Variants in KSR2 observed in about 807,000 individuals in gnomAD.
KSR2 encodes the protein kinase suppressor of ras 2.
KSR2 carries 25 observed loss-of-function variants against 107.8 expected under a neutral mutation model. The observed-to-expected ratio is 0.23, with a 90% CI of 0.17 to 0.32. The LOEUF (loss-of-function observed/expected upper bound fraction) is 0.32. Ranked by LOEUF, KSR2 falls within the 10% of genes least tolerant of loss-of-function variation. The probability of loss-of-function intolerance (pLI) is 1.00; values close to 1 mark genes in which losing one functional copy is unlikely to be tolerated. For synonymous variants in KSR2, 480 were observed against 507.0 expected (o/e 0.95, Z 0.71); for missense variants, 887 against 1,268.9 (o/e 0.70, Z 4.57).
At chr12:117,785,414 CAAAAAAAAAAAAAAA>C (rs374881532) in intron 3 of KSR2, among the ~76,000 whole-genome samples, 3 of 37,408 alleles carry the variant, frequency 8.0e-5, no homozygotes, top group Non-Finnish European at 2.0e-4. Context: ...GACTCCATCT[CAAAAAAAAAAAAAAA>C]AAAAAAAAAA....
At chr12:117,778,371 G>A (rs143010755) in intron 3 of KSR2, among the ~76,000 whole-genome samples, 2 of 152,288 alleles carry the variant, frequency 1.3e-5, no homozygotes, top group Non-Finnish European at 1.5e-5. Flanking sequence ...GATTACAGGA[G>A]TGAGCTACTG....
At chr12:117,586,247 C>A (rs1467915456) in intron 5 of KSR2, among the ~76,000 whole-genome samples, 1 of 150,410 alleles carries the variant, frequency 6.6e-6, no homozygotes, top group East Asian at 1.9e-4. Context: ...AAATGGGTGA[C>A]GATAAAGGAA....
chr12:117,642,684 G>A (rs1883432660), intron 5 of KSR2, among the ~76,000 whole-genome samples: 2 of 152,212 alleles, frequency 1.3e-5, no homozygotes, highest in South Asian at 2.1e-4. Context: ...AGTTCGGGTG[G>A]ACCTTTTTCA....
At chr12:117,621,659 T>A (rs1186291736) in intron 5 of KSR2, among the ~76,000 whole-genome samples, 1 of 152,174 alleles carries the variant, frequency 6.6e-6, no homozygotes, top group African/African-American at 2.4e-5. Flanking sequence ...TTAATGGTAT[T>A]ATACCAATGC....
At chr12:117,927,834 G>A (rs552173522) in intron 1 of KSR2, among the ~76,000 whole-genome samples, 2 of 152,190 alleles carry the variant, frequency 1.3e-5, no homozygotes, top group South Asian at 4.2e-4. Context: ...TTATTATTCT[G>A]GTAAAATATA....
intron 4 of KSR2, among the ~76,000 whole-genome samples, chr12:117,718,341 T>C (rs545386199): frequency 3.3e-5 from 5 of 152,322 alleles, no homozygotes; most frequent in South Asian, 2.1e-4. Context: ...TTGTTCACTG[T>C]CCATGGAAGG....
At chr12:117,663,886 A>AAGAGCACCTAAGCAAACCACC (rs1419513932) in intron 5 of KSR2, among the ~76,000 whole-genome samples, 1 of 152,178 alleles carries the variant, frequency 6.6e-6, no homozygotes, top group Non-Finnish European at 1.5e-5. Context: ...TCCACTGGTG[A>AAGAGCACCTAAGCAAACCACC]AGAGCACCTA....
chr12:117,623,169 G>A (rs1240310823), intron 5 of KSR2, among the ~76,000 whole-genome samples: 1 of 152,174 alleles, frequency 6.6e-6, no homozygotes, highest in Non-Finnish European at 1.5e-5. Context: ...ACTCAGAGGT[G>A]AATACCAGTT....
At chr12:117,797,854 T>G (rs1416717673) in intron 3 of KSR2, among the ~76,000 whole-genome samples, 1 of 152,038 alleles carries the variant, frequency 6.6e-6, no homozygotes, top group East Asian at 1.9e-4. Context: ...TCTCACTATG[T>G]TTCATAGTCT....
Position 117,866,039 on chromosome 12 carries a change from T to TTTTTTTTA in KSR2, c.181-5609_181-5608insTAAAAAAA, listed in dbSNP as rs1555252035. On this transcript the variant is annotated intron_variant, in intron 1 of 19. Coordinates refer to ENST00000339824, the MANE Select transcript of KSR2 (RefSeq NM_173598.6). ...TCTGTAACACTTGCTAATCTCTCTC[T>TTTTTTTTA]TTTTTTTTTTTTTTTGAAACAAATT... Among the ~76,000 whole-genome samples the TTTTTTTTA allele has an allele frequency of 1.1e-4, 9 of 78,702 alleles. 1 individual carries two copies. The highest frequency in any genetic ancestry group is 9.9e-4 in the African/African-American group (9 of 9,102). The allele number at this position is 78,702 out of a possible 152,430, so 51.6% of individuals were successfully genotyped here.
intron 19 of KSR2, chr12:117,467,915 C>CCG: frequency 4.9e-6 from 1 of 204,924 alleles, no homozygotes; most frequent in Non-Finnish European, 8.4e-6. Flanking sequence ...GACCACAGTC[C>CCG]TGTGTTTTTT....
At chr12:117,856,029 A>ACTCT (rs1434642716) in intron 2 of KSR2, among the ~76,000 whole-genome samples, 1 of 151,628 alleles carries the variant, frequency 6.6e-6, no homozygotes, top group Admixed American at 6.6e-5. Context: ...GCTGGGTCCC[A>ACTCT]CTCTCTCTCT....
chr12:117,480,404 C>T (rs1021823338), intron 16 of KSR2, among the ~76,000 whole-genome samples: 8 of 152,088 alleles, frequency 5.3e-5, no homozygotes, highest in African/African-American at 1.2e-4. Context: ...ATGGGCCCAC[C>T]GATGACAAAC....
chr12:117,957,526 G>T (rs1896549295), intron 1 of KSR2, among the ~76,000 whole-genome samples: 1 of 152,068 alleles, frequency 6.6e-6, no homozygotes, highest in South Asian at 2.1e-4. Context: ...GCACACGGTG[G>T]GCAAGAAGGA....
chr12:117,900,103 G>A (rs74399110), intron 1 of KSR2, among the ~76,000 whole-genome samples: 2,355 of 152,318 alleles, frequency 0.015, 28 homozygotes, highest in Middle Eastern at 0.034. Context: ...ATGCCTGGAT[G>A]TCTGATCCAC....
chr12:117,909,792 C>T (rs1894961414), intron 1 of KSR2, among the ~76,000 whole-genome samples: 2 of 151,732 alleles, frequency 1.3e-5, no homozygotes, highest in Non-Finnish European at 2.9e-5. Flanking sequence ...CCTGTAGTCC[C>T]AGCTACTCAG....
intron 3 of KSR2, among the ~76,000 whole-genome samples, chr12:117,787,976 T>C (rs1295886245): frequency 1.3e-5 from 2 of 152,206 alleles, no homozygotes; most frequent in Non-Finnish European, 2.9e-5. Flanking sequence ...AGAAGCAATT[T>C]CTAAATACTT....
intron 4 of KSR2, among the ~76,000 whole-genome samples, chr12:117,702,215 G>A (rs1434048150): frequency 1.3e-5 from 2 of 152,104 alleles, no homozygotes; most frequent in Admixed American, 6.5e-5. Flanking sequence ...ATGTCACTGG[G>A]CCAACATGAT....
At chr12:117,819,618 TCA>T (rs1436135966) in intron 3 of KSR2, among the ~76,000 whole-genome samples, 1 of 152,174 alleles carries the variant, frequency 6.6e-6, no homozygotes. Flanking sequence ...AAAAAAAATC[TCA>T]CGTTCAAAAG....
Sources: gnomAD v4.1 joint callset for allele counts (sites outside exome capture counted in the v4.1 genomes callset) on GRCh38, gnomAD v4.1.1 for gene constraint, MANE v1.5 for transcripts, NCBI Gene and HGNC (gene_info 2026-07-23, HGNC 2026-07-21) for gene names.